The following SORCS2 variants were observed in gnomAD, a reference collection of about 807,000 sequenced individuals.
The protein encoded by SORCS2 is sortilin related VPS10 domain containing receptor 2, also known as VPS10 domain-containing receptor SorCS2.
SORCS2 carries 100 observed loss-of-function variants against 141.6 expected under a neutral mutation model. The ratio of observed to expected loss-of-function variants is 0.71; its 90% confidence interval spans 0.60 to 0.83. The LOEUF is 0.83. SORCS2 is among the 40% of genes least tolerant of loss of function. The pLI is 0.00. For missense variants in SORCS2, 1,646 were observed against 1,560.2 expected (o/e 1.05, Z -0.93); for synonymous variants, 789 against 676.9 (o/e 1.17, Z -2.57).
intron 2 of SORCS2, among the ~76,000 whole-genome samples, chr4:7,436,754 C>T (rs550740117): frequency 8.5e-5 from 13 of 152,278 alleles, no homozygotes; most frequent in South Asian, 8.3e-4. Flanking sequence ...TTTGTCTACT[C>T]GACCCTTGAT....
At chr4:7,723,289 T>C (rs1343713731) in intron 18 of SORCS2, among the ~76,000 whole-genome samples, 1 of 152,072 alleles carries the variant, frequency 6.6e-6, no homozygotes, top group East Asian at 1.9e-4. Context: ...GATGTGTTCC[T>C]CTCCCCTGCC....
At chr4:7,624,490 C>G (rs1026503308) in intron 3 of SORCS2, among the ~76,000 whole-genome samples, 1 of 152,240 alleles carries the variant, frequency 6.6e-6, no homozygotes, top group African/African-American at 2.4e-5. Flanking sequence ...ACAATACTAT[C>G]TTGGCTTCTC....
At chr4:7,270,257 G>A (rs769739296) in intron 1 of SORCS2, among the ~76,000 whole-genome samples, 13 of 152,266 alleles carry the variant, frequency 8.5e-5, no homozygotes, top group Non-Finnish European at 1.5e-4. Flanking sequence ...CAGAGCAGGC[G>A]GCACCAGGAG....
chr4:7,741,336 C>A lies in SORCS2; in HGVS notation c.*1072C>A. On this transcript the variant is annotated 3_prime_UTR_variant, in exon 27 of 27. Transcript: ENST00000507866. ...GAGTAACTGAAGGTCACAGCACGGTCACAGCAGAGGTGGCCGAACCCAGCC... is the reference window on the plus strand; with the variant it reads ...GAGTAACTGAAGGTCACAGCACGGTAACAGCAGAGGTGGCCGAACCCAGCC... 1 of 398,402 alleles carries A rather than the reference C, an allele frequency of 2.5e-6. No individual in the cohort carries two copies. Among genetic ancestry groups the A allele is most frequent in the South Asian group, 1.3e-4 (1 of 7,708 alleles). The allele number at this position is 398,402 out of a possible 1,614,324, so 24.7% of individuals were successfully genotyped here. A position where few individuals can be genotyped will look rare whatever the true frequency, so the allele number is the denominator to read the frequency against.
chr4:7,593,540 C>G (rs1174408094), intron 3 of SORCS2, among the ~76,000 whole-genome samples: 1 of 152,296 alleles, frequency 6.6e-6, no homozygotes, highest in African/African-American at 2.4e-5. Flanking sequence ...TCCCCACACT[C>G]TCATGTTCCA....
At chr4:7,724,552 TGGGAATG>T (rs1340358925) in intron 19 of SORCS2, among the ~76,000 whole-genome samples, 1 of 104,428 alleles carries the variant, frequency 9.6e-6, no homozygotes. Context: ...ATAGTAGTGG[TGGGAATG>T]GATGGTGGTG....
intron 1 of SORCS2, among the ~76,000 whole-genome samples, chr4:7,367,928 G>A (rs1722002865): frequency 6.6e-6 from 1 of 152,214 alleles, no homozygotes; most frequent in Non-Finnish European, 1.5e-5. Flanking sequence ...CCAGTCCAGT[G>A]CTGTGTGTCA....
chr4:7,453,250 T>C (rs1420687831), intron 2 of SORCS2, among the ~76,000 whole-genome samples: 8 of 83,382 alleles, frequency 9.6e-5, no homozygotes, highest in Middle Eastern at 0.012. Flanking sequence ...TGGGGTCAGG[T>C]GCTGTGTTGG....
At chr4:7,323,503 G>A (rs1003187036) in intron 1 of SORCS2, among the ~76,000 whole-genome samples, 3 of 152,134 alleles carry the variant, frequency 2.0e-5, no homozygotes, top group Non-Finnish European at 4.4e-5. Flanking sequence ...CACACCCATG[G>A]CTCTGAGGGG....
chr4:7,355,733 A>T (rs1331122970), intron 1 of SORCS2, among the ~76,000 whole-genome samples: 2 of 152,202 alleles, frequency 1.3e-5, no homozygotes, highest in Non-Finnish European at 2.9e-5. Flanking sequence ...TATGAACTTG[A>T]CTTCAGCGGC....
At chr4:7,268,506 G>A (rs1008745074) in intron 1 of SORCS2, among the ~76,000 whole-genome samples, 6 of 152,206 alleles carry the variant, frequency 3.9e-5, no homozygotes, top group South Asian at 4.1e-4. Context: ...ATCAGGTGCC[G>A]TCGTTAATGA....
intron 3 of SORCS2, among the ~76,000 whole-genome samples, chr4:7,567,150 A>G (rs369100843): frequency 6.6e-6 from 1 of 152,260 alleles, no homozygotes; most frequent in African/African-American, 2.4e-5. Flanking sequence ...TGAAGGTAGT[A>G]TAGAGTTCCT....
Position 7,286,496 on chromosome 4 carries a change from G to T in SORCS2, c.480+93370G>T, listed in dbSNP as rs1329819293. 6.6e-6 allele frequency among the ~76,000 whole-genome samples: 1 copy of T among 152,196 alleles called. No homozygotes were observed. Among genetic ancestry groups the T allele is most frequent in the Non-Finnish European group, 1.5e-5 (1 of 68,040 alleles). On this transcript the variant is annotated intron_variant, in intron 1 of 26. Coordinates refer to ENST00000507866, the MANE Select transcript of SORCS2 (RefSeq NM_020777.3). The surrounding 1 kb of genome is among the most constrained non-coding windows in gnomAD (Gnocchi z 4.1). ...GCCCTGTTTCTCTTCTTCTCCTGAG[G>T]TTTCCAAGACAAAGGGTGGCAGGCT...
chr4:7,715,684 G>T (rs1161610203), intron 17 of SORCS2, among the ~76,000 whole-genome samples: 1 of 152,172 alleles, frequency 6.6e-6, no homozygotes, highest in Non-Finnish European at 1.5e-5. Context: ...GTCTTCCCCT[G>T]GTCTTTCTGA....
chr4:7,373,474 A>ATT (rs1560228416), intron 1 of SORCS2, among the ~76,000 whole-genome samples: 1 of 52,448 alleles, frequency 1.9e-5, no homozygotes, highest in African/African-American at 1.3e-4. Flanking sequence ...ATATATATAT[A>ATT]TATATTTTTT....
chr4:7,433,140 A>G (rs1188171154), intron 2 of SORCS2: 1 of 586,172 alleles, frequency 1.7e-6, no homozygotes, highest in East Asian at 3.3e-5. Flanking sequence ...GCTGTGCGGC[A>G]CCGTTGTTAA....
intron 2 of SORCS2, among the ~76,000 whole-genome samples, chr4:7,469,150 A>T (rs1729814079): frequency 6.6e-6 from 1 of 151,436 alleles, no homozygotes. Flanking sequence ...GGTGATGATG[A>T]TGATGGTGGT....
chr4:7,545,777 C>T (rs1044716480), intron 3 of SORCS2, among the ~76,000 whole-genome samples: 4 of 152,262 alleles, frequency 2.6e-5, no homozygotes, highest in African/African-American at 9.6e-5. Context: ...TCTGCTGCCT[C>T]TGTCTTCAGG....
At chr4:7,570,737 CT>C (rs1172581600) in intron 3 of SORCS2, among the ~76,000 whole-genome samples, 2 of 152,168 alleles carry the variant, frequency 1.3e-5, no homozygotes, top group African/African-American at 4.8e-5. Flanking sequence ...GTCAGCAAGC[CT>C]TTTCATCTCC....
Sources: allele counts gnomAD v4.1 joint callset (sites outside exome capture counted in the v4.1 genomes callset), GRCh38; gene constraint gnomAD v4.1.1; non-coding constraint Gnocchi (gnomAD v3.1); transcripts MANE v1.5; gene names NCBI Gene and HGNC (gene_info 2026-07-23, HGNC 2026-07-21).